BPHL: variants seen among roughly 807,000 people sequenced by gnomAD.
BPHL encodes serine hydrolase BPHL.
BPHL carries 27 observed loss-of-function variants against 31.2 expected under a neutral mutation model. The observed-to-expected ratio is 0.87, with a 90% CI of 0.64 to 1.19. BPHL has a LOEUF of 1.19. Among genes scored for constraint, BPHL ranks in the 50% most tolerant of loss-of-function variants. BPHL has a pLI of 0.00. For missense variants in BPHL, 356 were observed against 375.7 expected (o/e 0.95, Z 0.43); for synonymous variants, 150 against 146.8 (o/e 1.02, Z -0.16).
At chr6:3,146,594 TCGGGGTGGAGTGCTGGTTCAGGGTG>T (rs1762381301) in intron 6 of BPHL, among the ~76,000 whole-genome samples, 1 of 18,306 alleles carries the variant, frequency 5.5e-5, no homozygotes, top group Admixed American at 6.6e-4. Flanking sequence ...TGGTTTGGGT[TCGGGGTGGAGTGCTGGTTCAGGGTG>T]GAGTGCTGGT....
intron 4 of BPHL, among the ~76,000 whole-genome samples, chr6:3,136,554 A>G (rs1762021574): frequency 6.6e-6 from 1 of 152,248 alleles, no homozygotes; most frequent in African/African-American, 2.4e-5. Flanking sequence ...CTAAGCACAC[A>G]GTGAGTGCCT....
chr6:3,138,209 A>G lies in BPHL; in HGVS notation c.664+716A>G, dbSNP rs550247137. 1,423 of 330,634 alleles carry G rather than the reference A, an allele frequency of 4.3e-3. 29 individuals are homozygous for G. The highest frequency in any genetic ancestry group is 0.03 in the South Asian group (1,277 of 43,236). 20.5% of individuals were successfully genotyped at this position (330,634 alleles called of 1,614,324 possible). On this transcript the variant is annotated intron_variant, in intron 5 of 6. Transcript: ENST00000380379. ...ATTTTTTTTGTATTTTAGTAGAGAC[A>G]GGGTTTCACCATGTTGGCCAGGATG...
rs192940224 is a variant in BPHL at position 3,122,668 on chromosome 6, G to A, written c.108-989G>A. Among the ~76,000 whole-genome samples, 55 of 152,284 alleles carry A rather than the reference G, an allele frequency of 3.6e-4. 1 individual carries two copies. The highest frequency in any genetic ancestry group is 1.3e-3 in the African/African-American group (52 of 41,568). On this transcript the variant is annotated intron_variant, in intron 1 of 6. Transcript: ENST00000380379. ...AGATGCTGGATCCTAGGAGGTCTTAGGCCAAGGCGGGTGAGTGGCAGGAAG... is the reference window on the plus strand; with the variant it reads ...AGATGCTGGATCCTAGGAGGTCTTAAGCCAAGGCGGGTGAGTGGCAGGAAG...
intron 1 of BPHL, among the ~76,000 whole-genome samples, chr6:3,121,491 G>A (rs768465629): frequency 7.9e-5 from 12 of 151,926 alleles, no homozygotes; most frequent in Admixed American, 3.3e-4. Flanking sequence ...TTTTAGTAGA[G>A]ATGGCGTTCC....
intron 1 of BPHL, among the ~76,000 whole-genome samples, chr6:3,121,567 T>C (rs544060184): frequency 2.6e-5 from 4 of 152,270 alleles, no homozygotes; most frequent in Admixed American, 2.0e-4. Context: ...TCCACCCACC[T>C]GGGCCGCCCA....
At chr6:3,126,245 T>C (rs1416411295) in intron 2 of BPHL, among the ~76,000 whole-genome samples, 1 of 142,450 alleles carries the variant, frequency 7.0e-6, no homozygotes, top group Non-Finnish European at 1.5e-5. Context: ...CTTAGCTTAG[T>C]AAAAAAAAAA....
intron 6 of BPHL, among the ~76,000 whole-genome samples, chr6:3,145,363 GT>G (rs1370757982): frequency 8.7e-5 from 6 of 69,360 alleles, no homozygotes; most frequent in African/African-American, 2.5e-4. Context: ...GCTGGTGTGG[GT>G]TGGAGTGCTG....
At chr6:3,135,698 A>C (rs912762897) in intron 4 of BPHL, among the ~76,000 whole-genome samples, 2 of 152,160 alleles carry the variant, frequency 1.3e-5, no homozygotes, top group Non-Finnish European at 2.9e-5. Context: ...GGTGTTCTGC[A>C]TAATTTCTTA....
intron 1 of BPHL, chr6:3,119,273 C>A: frequency 2.0e-6 from 3 of 1,537,872 alleles, no homozygotes; most frequent in South Asian, 1.2e-5. Context: ...TCTCTTCTTT[C>A]TCTTATGTCA....
intron 6 of BPHL, among the ~76,000 whole-genome samples, chr6:3,145,873 TTTGGG>T (rs1762329810): frequency 1.6e-5 from 1 of 62,588 alleles, no homozygotes. Context: ...GGAGTGCTGG[TTTGGG>T]TCGGAGTGCT....
chr6:3,122,816 C>G (rs1270296851), intron 1 of BPHL, among the ~76,000 whole-genome samples: 1 of 152,126 alleles, frequency 6.6e-6, no homozygotes, highest in East Asian at 1.9e-4. Flanking sequence ...TATGGCCCTC[C>G]TGCAGCAGGC....
chr6:3,139,864 A>G (rs1326573733), intron 5 of BPHL: 13 of 153,314 alleles, frequency 8.5e-5, no homozygotes, highest in Admixed American at 8.5e-4. Flanking sequence ...AAGTCCTTAC[A>G]GTCTCTCCAA....
Position 3,127,222 on chromosome 6 carries a change from A to T in BPHL, c.212-20A>T, listed in dbSNP as rs1433684232. On this transcript the variant is annotated intron_variant, in intron 2 of 6. Coordinates refer to ENST00000380379, the MANE Select transcript of BPHL (RefSeq NM_004332.4). ...ATAGTGAAAGCGATCACCTGAGGGT[A>T]ACCAAGTGGCTGTTTTTAGGAAGTG... is the stretch of plus-strand genomic sequence containing the variant. 6.7e-7 allele frequency: 1 copy of T among 1,502,822 alleles called. No individual in the cohort carries two copies. Among genetic ancestry groups the T allele is most frequent in the East Asian group, 2.4e-5 (1 of 42,480 alleles). The allele number at this position is 1,502,822 out of a possible 1,614,324, so 93.1% of individuals were successfully genotyped here. A position where few individuals can be genotyped will look rare whatever the true frequency, so the allele number is the denominator to read the frequency against.
rs149900824 is a variant in BPHL, at chr6:3,147,225, C to T, written c.789-5263C>T. Among the ~76,000 whole-genome samples the T allele has an allele frequency of 1.4e-3, 220 of 151,970 alleles. 1 individual carries two copies. Among genetic ancestry groups the T allele is most frequent in the African/African-American group, 4.6e-3 (191 of 41,428 alleles). The stretch of plus-strand genomic sequence containing the variant: ...GCAGTGAGCCATGATCATGCCACAG[C>T]GCTCCAGCCTGGGTGTAGGAATGAG... On this transcript the variant is annotated intron_variant, in intron 6 of 6. Coordinates refer to ENST00000380379, the MANE Select transcript of BPHL (RefSeq NM_004332.4).
At position 3,127,326 on chromosome 6, in the gene BPHL, A is replaced by G. The variant is rs576561704; in HGVS notation, c.296A>G (p.Tyr99Cys). 3 of 1,610,672 alleles carry G rather than the reference A, an allele frequency of 1.9e-6. No homozygotes were observed. The highest frequency in any genetic ancestry group is 1.7e-5 in the Admixed American group (1 of 59,924). ...GTGGTCGCCTGGGATCCTCGAGGCT[A>G]TGGACATTCCAGGCCCCCAGATCGC... ...FTVVAWDPRGYGHSRPPDRDF... is the reference protein window; with the variant it reads ...FTVVAWDPRGCGHSRPPDRDF... Residue 99 changes from tyrosine (Y) to cysteine (C), a missense_variant, in exon 3 of 7, where the codon TAT (tyrosine) becomes TGT (cysteine). By Grantham distance (194) the Tyr-to-Cys change is radical. Coordinates refer to ENST00000380379, the MANE Select transcript of BPHL (RefSeq NM_004332.4).
chr6:3,120,175 C>T (rs1049355496), intron 1 of BPHL, among the ~76,000 whole-genome samples: 1 of 152,120 alleles, frequency 6.6e-6, no homozygotes, highest in African/African-American at 2.4e-5. Flanking sequence ...GCTGGGATTA[C>T]AGGTACCTGC....
chr6:3,149,811 T>A lies in BPHL; in HGVS notation c.789-2677T>A, dbSNP rs1385706690. On this transcript the variant is annotated intron_variant, in intron 6 of 6. Transcript: ENST00000380379. The surrounding 1 kb of genome is among the most constrained non-coding windows in gnomAD (Gnocchi z 4.6). Reference sequence around the variant, plus strand: ...CGCCGGCTAATTTTTGTGTTTTTGGTAGAGATGGAGTTTCACCACATTGAC... The same window carrying A: ...CGCCGGCTAATTTTTGTGTTTTTGGAAGAGATGGAGTTTCACCACATTGAC... Among the ~76,000 whole-genome samples the A allele has an allele frequency of 6.6e-6, 1 of 152,042 alleles. No individual in the cohort carries two copies. The highest frequency in any genetic ancestry group is 2.4e-5 in the African/African-American group (1 of 41,392).
chr6:3,138,671 C>G (rs1762080582), intron 5 of BPHL: 1 of 152,188 alleles, frequency 6.6e-6, no homozygotes, highest in South Asian at 2.1e-4. Context: ...TCAGATGCAG[C>G]ATCCACCCAT....
chr6:3,124,898 G>A (rs1761675525), intron 2 of BPHL, among the ~76,000 whole-genome samples: 1 of 152,142 alleles, frequency 6.6e-6, no homozygotes. Flanking sequence ...ATGGTGTTTG[G>A]TACCTTTGTT....
Sources: allele counts gnomAD v4.1 joint callset (sites outside exome capture counted in the v4.1 genomes callset), GRCh38; gene constraint gnomAD v4.1.1; non-coding constraint Gnocchi (gnomAD v3.1); transcripts MANE v1.5; gene names NCBI Gene and HGNC (gene_info 2026-07-23, HGNC 2026-07-21).